ITGA3: variants seen among roughly 807,000 people sequenced by gnomAD.
ITGA3 encodes the protein integrin alpha-3.
A neutral mutation model predicts 131.1 loss-of-function variants in ITGA3; 70 were observed. That is an observed-to-expected ratio of 0.53 (90% confidence interval 0.44 to 0.65). The LOEUF is 0.65. Among genes scored for constraint, ITGA3 ranks in the 30% least tolerant of loss-of-function variants. The pLI is 0.00. For synonymous variants in ITGA3, 537 were observed against 571.6 expected (o/e 0.94, Z 0.86); for missense variants, 1,098 against 1,388.6 (o/e 0.79, Z 3.33).
At chr17:50,058,190 G>T (rs1240502544) in intron 1 of ITGA3, among the ~76,000 whole-genome samples, 1 of 152,228 alleles carries the variant, frequency 6.6e-6, no homozygotes. Flanking sequence ...CCTGGGCCAG[G>T]TTTCCCCCAA....
chr17:50,069,395 G>A (rs1908512378), intron 4 of ITGA3, among the ~76,000 whole-genome samples: 1 of 152,218 alleles, frequency 6.6e-6, no homozygotes, highest in Non-Finnish European at 1.5e-5. Context: ...GCCAGGTGCA[G>A]TGGCTCATGC....
In ITGA3 at chr17:50,059,072, C is replaced by T. The variant is rs116771237; in HGVS notation, c.206+2427C>T. 3.1e-3 allele frequency among the ~76,000 whole-genome samples: 476 copies of T among 152,318 alleles called. 2 individuals are homozygous for T. Among genetic ancestry groups the T allele is most frequent in the African/African-American group, 0.011 (465 of 41,574 alleles). On this transcript the variant is annotated intron_variant, in intron 1 of 25. Transcript: ENST00000320031. ...CCCAGGGGTGGGACCCTCTTTGCTG[C>T]CCCATCACCTTCATCTCTGGACTGG...
chr17:50,082,110 C>T (rs1361340486), intron 23 of ITGA3, among the ~76,000 whole-genome samples: 2 of 152,174 alleles, frequency 1.3e-5, no homozygotes, highest in African/African-American at 4.8e-5. Context: ...ACCTCAGCCT[C>T]CTGAGTAGCT....
intron 4 of ITGA3, among the ~76,000 whole-genome samples, chr17:50,068,515 T>G (rs2144273367): frequency 6.6e-6 from 1 of 152,322 alleles, no homozygotes; most frequent in South Asian, 2.1e-4. Flanking sequence ...TTTGTTGTTT[T>G]TTTGACATAG....
chr17:50,078,952 C>A, intron 19 of ITGA3, 26 bp downstream of exon 19: 2 of 1,534,316 alleles, frequency 1.3e-6, no homozygotes, highest in Non-Finnish European at 1.8e-6. Context: ...GAGTCCTGGG[C>A]TGGGGACTTC....
rs1289233420 is a variant in ITGA3 at position 50,064,420 on chromosome 17, G to A, written c.335-108G>A. 8.3e-7 allele frequency: 1 copy of A among 1,203,736 alleles called. No homozygotes were observed. The allele number at this position is 1,203,736 out of a possible 1,614,324, so 74.6% of individuals were successfully genotyped here. ...CTGGAGAAGGGGAGTTGGGAGGGCT[G>A]CCCTGTGGGTGGAGGGCCCAAGCGG... On this transcript the variant is annotated intron_variant, in intron 2 of 25. Coordinates refer to ENST00000320031, the MANE Select transcript of ITGA3 (RefSeq NM_002204.4). This position sits in a 1 kb window ranked among gnomAD's most constrained non-coding sequence, Gnocchi z 4.4.
At chr17:50,061,984 G>T (rs1340168519) in intron 1 of ITGA3, among the ~76,000 whole-genome samples, 12 of 148,654 alleles carry the variant, frequency 8.1e-5, no homozygotes, top group Non-Finnish European at 1.5e-5. Flanking sequence ...AGGTGGCAGT[G>T]AGCCGAGGTT....
At chr17:50,070,753 TG>T in intron 4 of ITGA3, 90 bp from the exon 5 acceptor site, 1 of 491,812 alleles carries the variant, frequency 2.0e-6, no homozygotes, top group South Asian at 1.8e-5. Flanking sequence ...CCTTGTTGGG[TG>T]GGGGTGGGGG....
At chr17:50,074,642 T>C (rs937311146) in intron 10 of ITGA3, 108 bp downstream of exon 10, 2 of 780,962 alleles carry the variant, frequency 2.6e-6, no homozygotes, top group South Asian at 1.6e-5. Flanking sequence ...CTTTAGAAAT[T>C]TGATTCTTGG....
chr17:50,078,912 A>C lies in ITGA3; in HGVS notation c.2386A>C (p.Lys796Gln). ...TGTGGAGGATGTAGGAAGCCCCCTC[A>C]AGTATGAATTCCAGGTAAGGGGCTC... ...KTVEDVGSPL[K>Q]YEFQVGPMGE... The change falls in exon 19 of 26, where the codon AAG (lysine) becomes CAG (glutamine). Residue 796 changes from lysine to glutamine, a missense_variant. Physicochemically the swap from Lys to Gln is moderately conservative, Grantham distance 53. This residue lies in a region of ITGA3 where 699 missense variants were observed against 829.2 expected (regional missense o/e 0.84). Coordinates refer to ENST00000320031, the MANE Select transcript of ITGA3 (RefSeq NM_002204.4). 1 of 1,606,950 alleles carries C rather than the reference A, an allele frequency of 6.2e-7. No homozygotes were observed. The highest frequency in any genetic ancestry group is 8.5e-7 in the Non-Finnish European group (1 of 1,173,524).
At position 50,077,398 on chromosome 17, in the gene ITGA3, A is replaced by G; in HGVS notation, c.2090A>G (p.Asn697Ser). The change falls in exon 16 of 26, where the codon AAT (asparagine) becomes AGT (serine). Residue 697 changes from asparagine (N) to serine (S), a missense_variant. By Grantham distance (46) the Asn-to-Ser change is conservative (BLOSUM62 1). Transcript: ENST00000320031. ...CCTCAGCCCGGGGCCTGCCAAGCTAATGAGACCATCTTTTGCGAGCTGGGG... is the reference window on the plus strand; with the variant it reads ...CCTCAGCCCGGGGCCTGCCAAGCTAGTGAGACCATCTTTTGCGAGCTGGGG... ...SVRPPGACQA[N>S]ETIFCELGNP... The G allele has an allele frequency of 6.2e-7, 1 of 1,614,032 alleles. No homozygotes were observed. The highest frequency in any genetic ancestry group is 8.5e-7 in the Non-Finnish European group (1 of 1,179,938).
rs776779986 is a variant in ITGA3, at chr17:50,073,995, GC to G, written c.1240del (p.Gln414SerfsTer3). Reference protein sequence around the residue: ...HSSSKGLLRQPQQVIHGEKLG... With the variant: ...HSSSKGLLRQXQQVIHGEKLG... ...GTAGCTCTAAGGGGCTCCTTAGACA[GC>G]CCCAGCAGGTACAGAGAGACGGGGA... On this transcript the variant is annotated frameshift_variant, in exon 8 of 26. Coordinates refer to ENST00000320031, the MANE Select transcript of ITGA3 (RefSeq NM_002204.4). LOFTEE classifies it high-confidence loss of function. 1.2e-6 allele frequency: 2 copies of G among 1,612,622 alleles called. No homozygotes were observed. Among genetic ancestry groups the G allele is most frequent in the Admixed American group, 3.3e-5 (2 of 60,020 alleles).
intron 1 of ITGA3, among the ~76,000 whole-genome samples, chr17:50,059,801 A>G (rs751963519): frequency 6.6e-6 from 1 of 152,242 alleles, no homozygotes; most frequent in Non-Finnish European, 1.5e-5. Flanking sequence ...CGGGGGTCAA[A>G]TACAGGAAAA....
intron 1 of ITGA3, among the ~76,000 whole-genome samples, chr17:50,062,568 T>C: frequency 6.6e-6 from 1 of 152,180 alleles, no homozygotes; most frequent in South Asian, 2.1e-4. Context: ...AGGTCTGAGC[T>C]GTTGTCTTGA....
intron 1 of ITGA3, among the ~76,000 whole-genome samples, chr17:50,062,505 C>A (rs2144260327): frequency 6.6e-6 from 1 of 152,332 alleles, no homozygotes; most frequent in African/African-American, 2.4e-5. Flanking sequence ...CCCCTGCCAG[C>A]CTCCCTGGCC....
At chr17:50,066,311 T>C (rs1908342353) in intron 3 of ITGA3, among the ~76,000 whole-genome samples, 1 of 145,752 alleles carries the variant, frequency 6.9e-6, no homozygotes, top group South Asian at 2.1e-4. Context: ...CATTTTTCTT[T>C]TTCTTTCTTT....
Position 50,068,151 on chromosome 17 carries a change from G to A in ITGA3, c.510G>A (p.Glu170=), listed in dbSNP as rs1488401542. 19 of 1,614,084 alleles carry A rather than the reference G, an allele frequency of 1.2e-5. No individual in the cohort carries two copies. In the East Asian group the frequency reaches 3.8e-4, roughly 32 times the overall value. The change falls in exon 4 of 26, where the codon GAG becomes GAA. Residue 170 remains glutamate (E), a synonymous_variant. Transcript: ENST00000320031. ...GCTACGTGCGAGGCAATGACCTAGA[G>A]CTGGACTCCAGTGATGACTGGCAGA... ...GKCYVRGNDL[E]LDSSDDWQTY... is the part of the protein sequence containing the mutation.
Position 50,077,111 on chromosome 17 carries a change from C to A in ITGA3, c.2060C>A (p.Ser687Ter). 6.4e-7 allele frequency: 1 copy of A among 1,555,220 alleles called. No individual in the cohort carries two copies. Among genetic ancestry groups the A allele is most frequent in the Non-Finnish European group, 8.7e-7 (1 of 1,146,060 alleles). ...GTGCCTCCCGCCCTGCTGCTGTCCTCAGTGCGCCCCGTGAGTGCCCGCCGG... is the reference window on the plus strand; with the variant it reads ...GTGCCTCCCGCCCTGCTGCTGTCCTAAGTGCGCCCCGTGAGTGCCCGCCGG... Reference protein sequence around the residue: ...LVVPPALLLSSVRPPGACQAN... With the variant: ...LVVPPALLLS The change falls in exon 15 of 26, where the codon TCA becomes TAA. Residue 687 changes from serine (S) to a stop codon, truncating the protein, a stop_gained. Coordinates refer to ENST00000320031, the MANE Select transcript of ITGA3 (RefSeq NM_002204.4). LOFTEE classifies it high-confidence loss of function.
At position 50,076,638 on chromosome 17, in the gene ITGA3, A is replaced by T; in HGVS notation, c.1879A>T (p.Met627Leu). Residue 627 changes from methionine (M) to leucine (L), a missense_variant, in exon 14 of 26, where the codon ATG becomes TTG. Coordinates refer to ENST00000320031, the MANE Select transcript of ITGA3 (RefSeq NM_002204.4). The part of the protein sequence containing the change: ...PDNKCESNLQ[M>L]RAAFVSEQQQ... Reference sequence around the variant, plus strand: ...CAACAAGTGTGAGAGCAACTTGCAGATGCGGGCAGCCTTCGTGTCAGAGCA... The same window carrying T: ...CAACAAGTGTGAGAGCAACTTGCAGTTGCGGGCAGCCTTCGTGTCAGAGCA... 2 of 1,613,382 alleles carry T rather than the reference A, an allele frequency of 1.2e-6. No homozygotes were observed. The highest frequency in any genetic ancestry group is 1.7e-6 in the Non-Finnish European group (2 of 1,179,816).
Sources: gnomAD v4.1 joint callset for allele counts (sites outside exome capture counted in the v4.1 genomes callset) on GRCh38, gnomAD v4.1.1 for gene constraint, gnomAD v4.1.1 regional missense constraint, Gnocchi (gnomAD v3.1) non-coding constraint, MANE v1.5 for transcripts, NCBI Gene and HGNC (gene_info 2026-07-23, HGNC 2026-07-21) for gene names.